The following POLD1 variants were observed in gnomAD, a reference collection of about 807,000 sequenced individuals.
POLD1 encodes DNA polymerase delta catalytic subunit.
Under a neutral mutation model 129.7 loss-of-function variants are expected in POLD1, and 79 were observed. That is an observed-to-expected ratio of 0.61 (90% CI 0.51 to 0.73). The LOEUF (loss-of-function observed/expected upper bound fraction) is 0.73. Among genes scored for constraint, POLD1 ranks in the 30% least tolerant of loss-of-function variants. The pLI is 0.00. For synonymous variants in POLD1, 714 were observed against 683.3 expected (o/e 1.04, Z -0.70); for missense variants, 1,338 against 1,595.8 (o/e 0.84, Z 2.75).
In POLD1 at chr19:50,398,761, G is replaced by A. The variant is rs551910061; in HGVS notation, c.-1-90G>A. ...GCCAGTCCAGAGTAGGAAAAGGCTC[G>A]TGGTCATGGTGGGTGCATGGGATGC... On this transcript the variant is annotated intron_variant, in intron 1 of 26. Coordinates refer to ENST00000440232, the MANE Select transcript of POLD1 (RefSeq NM_002691.4). 860 of 1,527,964 alleles carry A rather than the reference G, an allele frequency of 5.6e-4. 10 individuals are homozygous for A. The South Asian group carries it at 9.7e-3, about 17-fold the overall frequency. 94.7% of individuals were successfully genotyped at this position (1,527,964 alleles called of 1,614,324 possible).
intron 10 of POLD1, among the ~76,000 whole-genome samples, chr19:50,404,961 C>G (rs796759948): frequency 8.6e-5 from 13 of 151,964 alleles, no homozygotes; most frequent in African/African-American, 2.7e-4. Flanking sequence ...GACAGGGTTT[C>G]TCCATGTTGG....
chr19:50,392,525 T>C (rs1258932607), intron 1 of POLD1, among the ~76,000 whole-genome samples: 1 of 152,190 alleles, frequency 6.6e-6, no homozygotes, highest in Non-Finnish European at 1.5e-5. Flanking sequence ...TCACCCAGGC[T>C]GGAGTGCAGT....
In POLD1 at chr19:50,401,709, G is replaced by A. The variant is rs573934767; in HGVS notation, c.317-69G>A. 1.9e-5 allele frequency: 30 copies of A among 1,553,764 alleles called. No individual in the cohort carries two copies. The East Asian group carries it at 5.6e-4, about 29-fold the overall frequency. Reference sequence around the variant, plus strand: ...CAGGCTGCAGGCCCCAAGGTATTTCGAGGCTGTGGAGACACACCTTGGAGG... The same window carrying A: ...CAGGCTGCAGGCCCCAAGGTATTTCAAGGCTGTGGAGACACACCTTGGAGG... On this transcript the variant is annotated intron_variant, in intron 3 of 26. Coordinates refer to ENST00000440232, the MANE Select transcript of POLD1 (RefSeq NM_002691.4).
In POLD1 at chr19:50,399,240, C is replaced by T. The variant is rs1024925906; in HGVS notation, c.203-131C>T. 7.8e-6 allele frequency: 9 copies of T among 1,146,694 alleles called. 1 individual carries two copies. Among genetic ancestry groups the T allele is most frequent in the African/African-American group, 3.1e-5 (2 of 64,666 alleles). 71.0% of individuals were successfully genotyped at this position (1,146,694 alleles called of 1,614,324 possible). On this transcript the variant is annotated intron_variant, in intron 2 of 26. Transcript: ENST00000440232. ...GTGATTCTGGCCCTGACCCTTGACC[C>T]TCATTCTCTTCCAAGTTTCCTGCCT...
At position 50,401,382 on chromosome 19, in the gene POLD1, T is replaced by TAC. The variant is rs2122225180; in HGVS notation, c.317-395_317-394insCA. Among the ~76,000 whole-genome samples, 3 of 60,758 alleles carry TAC rather than the reference T, an allele frequency of 4.9e-5. No individual in the cohort carries two copies. In the Admixed American group the frequency reaches 5.3e-4, roughly 11 times the overall value. 39.9% of individuals were successfully genotyped at this position (60,758 alleles called of 152,430 possible). A position where few individuals can be genotyped will look rare whatever the true frequency, so the allele number is the denominator to read the frequency against. On this transcript the variant is annotated intron_variant, in intron 3 of 26. Coordinates refer to ENST00000440232, the MANE Select transcript of POLD1 (RefSeq NM_002691.4). ...GTGTATATGTGTATATATATATATA[T>TAC]ATATATATATTTTTTTTTTTTTTTT...
chr19:50,400,369 C>T (rs941850528), intron 3 of POLD1, among the ~76,000 whole-genome samples: 1 of 149,098 alleles, frequency 6.7e-6, no homozygotes, highest in East Asian at 2.0e-4. Flanking sequence ...TACAGGCGCC[C>T]GCCATCACGC....
At chr19:50,400,048 C>G (rs1163555139) in intron 3 of POLD1, among the ~76,000 whole-genome samples, 1 of 151,012 alleles carries the variant, frequency 6.6e-6, no homozygotes, top group East Asian at 1.9e-4. Context: ...CTCCTGACCT[C>G]AAGTGATCCA....
rs201318456 is a variant in POLD1 at position 50,409,133 on chromosome 19, A to T, written c.1904A>T (p.Asp635Val). 1.2e-6 allele frequency: 2 copies of T among 1,610,550 alleles called. No homozygotes were observed. Among genetic ancestry groups the T allele is most frequent in the East Asian group, 2.2e-5 (1 of 44,844 alleles). Residue 635 changes from aspartate to valine, a missense_variant, in exon 16 of 27, where the codon GAT becomes GTT. Around this residue, in one of 3 missense-constraint regions of POLD1, gnomAD observed 720 missense variants for 1,002.6 expected, o/e 0.72. Transcript: ENST00000440232. The surrounding 1 kb of genome is among the most constrained non-coding windows in gnomAD (Gnocchi z 5.8). ...GTAQKLGLTEDQFIRTPTGDE... is the reference protein window; with the variant it reads ...GTAQKLGLTEVQFIRTPTGDE... ...ATCTTCCAACCCAGCCTGACTGAGG[A>T]TCAGTTCATCAGGACCCCCACCGGG...
At chr19:50,386,687 C>T (rs1327518827) in intron 1 of POLD1, among the ~76,000 whole-genome samples, 1 of 152,198 alleles carries the variant, frequency 6.6e-6, no homozygotes, top group African/African-American at 2.4e-5. Flanking sequence ...CTGCCTAAGG[C>T]CTCCTGGGGG....
chr19:50,408,942 T>C (rs2122372468), intron 15 of POLD1, 41 bp downstream of exon 15: 1 of 1,569,110 alleles, frequency 6.4e-7, no homozygotes, highest in Non-Finnish European at 8.7e-7. Flanking sequence ...GAGGCCCATC[T>C]GGGCCTTCCC....
chr19:50,401,881 C>T lies in POLD1; in HGVS notation c.420C>T (p.His140=), dbSNP rs1193429671. Residue 140 remains histidine (H), a synonymous_variant, in exon 4 of 27, where the codon CAC becomes CAT. Coordinates refer to ENST00000440232, the MANE Select transcript of POLD1 (RefSeq NM_002691.4). ...ATGAGGGGTTCTCTGTCTGCTGCCACATCCACGGCTTCGCTCCCTACTTCT... is the reference window on the plus strand; with the variant it reads ...ATGAGGGGTTCTCTGTCTGCTGCCATATCCACGGCTTCGCTCCCTACTTCT... The part of the protein sequence containing the change: ...VTDEGFSVCC[H]IHGFAPYFYT... 1 of 1,614,048 alleles carries T rather than the reference C, an allele frequency of 6.2e-7. No homozygotes were observed. The highest frequency in any genetic ancestry group is 8.5e-7 in the Non-Finnish European group (1 of 1,179,972).
chr19:50,413,309 C>A, intron 17 of POLD1, 117 bp from the exon 18 acceptor site: 2 of 803,440 alleles, frequency 2.5e-6, no homozygotes, highest in Non-Finnish European at 4.0e-6. Context: ...GGCAGAGTGG[C>A]TTGTACATAA....
chr19:50,393,866 T>C (rs2038250905), intron 1 of POLD1: 2 of 152,254 alleles, frequency 1.3e-5, no homozygotes, highest in Admixed American at 6.6e-5. Flanking sequence ...CCGTGTTGCA[T>C]GTCTGTCAGG....
intron 3 of POLD1, among the ~76,000 whole-genome samples, chr19:50,401,391 A>ATATATATATATATTTT (rs1334231607): frequency 1.5e-5 from 1 of 65,990 alleles, no homozygotes; most frequent in African/African-American, 6.9e-5. Context: ...ATATATATAT[A>ATATATATATATATTTT]TTTTTTTTTT....
rs549820323 is a variant in POLD1 at position 50,400,211 on chromosome 19, A to ATTTT, written c.316+750_316+753dup. On this transcript the variant is annotated intron_variant, in intron 3 of 26. Transcript: ENST00000440232. Reference sequence around the variant, plus strand: ...CAGGCTGGAGTGCACCTGGCCAATAATTTTTTTTTTTTTTTTTTTTTTTTT... The same window carrying ATTTT: ...CAGGCTGGAGTGCACCTGGCCAATAATTTTTTTTTTTTTTTTTTTTTTTTTTTTT... Among the ~76,000 whole-genome samples the ATTTT allele has an allele frequency of 8.1e-4, 55 of 67,808 alleles. 1 individual carries two copies. Among genetic ancestry groups the ATTTT allele is most frequent in the African/African-American group, 3.5e-3 (51 of 14,640 alleles). The allele number at this position is 67,808 out of a possible 152,430, so 44.5% of individuals were successfully genotyped here. A position where few individuals can be genotyped will look rare whatever the true frequency, so the allele number is the denominator to read the frequency against.
chr19:50,413,860 T>C lies in POLD1; in HGVS notation c.2369T>C (p.Ile790Thr). ...GTGTCAGGTCACTTCCCGTCGCCCA[T>C]CCGGCTGGAGTTTGAGAAGGTGCGT... ...DWVSGHFPSP[I>T]RLEFEKVYFP... Residue 790 changes from isoleucine (I) to threonine (T), a missense_variant, in exon 19 of 27, where the codon ATC becomes ACC. Ile to Thr is a moderately conservative substitution (Grantham distance 89). Around this residue, in one of 3 missense-constraint regions of POLD1, gnomAD observed 720 missense variants for 1,002.6 expected, o/e 0.72. Transcript: ENST00000440232. 6.2e-7 allele frequency: 1 copy of C among 1,605,500 alleles called. No individual in the cohort carries two copies. The highest frequency in any genetic ancestry group is 8.5e-7 in the Non-Finnish European group (1 of 1,175,506).
chr19:50,406,068 C>T lies in POLD1; in HGVS notation c.1243-114C>T. 1 of 1,319,484 alleles carries T rather than the reference C, an allele frequency of 7.6e-7. No homozygotes were observed. Among genetic ancestry groups the T allele is most frequent in the African/African-American group, 1.5e-5 (1 of 68,418 alleles). The allele number at this position is 1,319,484 out of a possible 1,614,324, so 81.7% of individuals were successfully genotyped here. ...GACCGTCTTTCTGCCCCCAGGGTTG[C>T]TCTCGACCCCCTAGGGTTGTTATAA... On this transcript the variant is annotated intron_variant, in intron 10 of 26. Transcript: ENST00000440232. The surrounding 1 kb of genome is among the most constrained non-coding windows in gnomAD (Gnocchi z 5.5).
chr19:50,409,318 G>A lies in POLD1; in HGVS notation c.2006+83G>A. 1 of 1,249,126 alleles carries A rather than the reference G, an allele frequency of 8.0e-7. No individual in the cohort carries two copies. The highest frequency in any genetic ancestry group is 1.2e-6 in the Non-Finnish European group (1 of 862,944). The allele number at this position is 1,249,126 out of a possible 1,614,324, so 77.4% of individuals were successfully genotyped here. ...CCTGTCCCTCACTGGGACACCCCAGGGCTGCCCAGCCACCCTGCCCTCAGC... is the reference window on the plus strand; with the variant it reads ...CCTGTCCCTCACTGGGACACCCCAGAGCTGCCCAGCCACCCTGCCCTCAGC... On this transcript the variant is annotated intron_variant, in intron 16 of 26. Transcript: ENST00000440232. This position sits in a 1 kb window ranked among gnomAD's most constrained non-coding sequence, Gnocchi z 5.8.
intron 24 of POLD1, 148 bp from the exon 25 acceptor site, chr19:50,416,897 G>A: frequency 9.5e-7 from 1 of 1,048,164 alleles, no homozygotes; most frequent in Non-Finnish European, 1.3e-6. Context: ...CACCCCGGGA[G>A]TTCCCCAGGG....
Sources: allele counts gnomAD v4.1 joint callset (sites outside exome capture counted in the v4.1 genomes callset), GRCh38; gene constraint gnomAD v4.1.1; regional missense constraint gnomAD v4.1.1; non-coding constraint Gnocchi (gnomAD v3.1); transcripts MANE v1.5; gene names NCBI Gene and HGNC (gene_info 2026-07-23, HGNC 2026-07-21).